The following NEGR1 variants were observed in gnomAD, a reference collection of about 807,000 sequenced individuals.
NEGR1 encodes the protein neuronal growth regulator 1.
Under a neutral mutation model 40.9 loss-of-function variants are expected in NEGR1, and 10 were observed. The ratio of observed to expected loss-of-function variants is 0.24; its 90% confidence interval spans 0.15 to 0.42. NEGR1 has a LOEUF of 0.42. NEGR1 is among the 10% of genes least tolerant of loss of function. The pLI is 1.00. For synonymous variants in NEGR1, 185 were observed against 166.8 expected, an observed-to-expected ratio of 1.11 and a Z score of -0.84; for missense variants, 352 against 438.9, an observed-to-expected ratio of 0.80 and a Z score of 1.77.
intron 1 of NEGR1, among the ~76,000 whole-genome samples, chr1:71,977,919 C>G (rs181704039): frequency 6.6e-4 from 101 of 152,112 alleles, no homozygotes; most frequent in African/African-American, 2.1e-3. Context: ...TCTTTCCAAC[C>G]TGTGTCTCCT....
At chr1:71,775,909 C>T (rs1656488586) in intron 3 of NEGR1, among the ~76,000 whole-genome samples, 1 of 151,628 alleles carries the variant, frequency 6.6e-6, no homozygotes, top group South Asian at 2.1e-4. Context: ...AGGAGAATCG[C>T]TTGAACCTGG....
At chr1:72,169,725 T>C (rs950693976) in intron 1 of NEGR1, among the ~76,000 whole-genome samples, 2 of 152,176 alleles carry the variant, frequency 1.3e-5, no homozygotes, top group Non-Finnish European at 2.9e-5. Flanking sequence ...GATGAGCCTT[T>C]CCTTCTGACC....
intron 4 of NEGR1, among the ~76,000 whole-genome samples, chr1:71,654,698 T>G (rs1305512750): frequency 6.6e-6 from 1 of 152,090 alleles, no homozygotes; most frequent in African/African-American, 2.4e-5. Context: ...ATAGGTCAAG[T>G]GATAGATAAT....
intron 6 of NEGR1, among the ~76,000 whole-genome samples, chr1:71,540,349 C>T (rs1476316623): frequency 6.6e-6 from 1 of 151,698 alleles, no homozygotes; most frequent in Non-Finnish European, 1.5e-5. Flanking sequence ...TGTATTGATG[C>T]CATGCAAAGA....
chr1:71,522,937 C>A (rs563237630), intron 6 of NEGR1, among the ~76,000 whole-genome samples: 1 of 152,018 alleles, frequency 6.6e-6, no homozygotes, highest in Admixed American at 6.6e-5. Flanking sequence ...TGATCAGAGG[C>A]ATAAAGTCCT....
chr1:71,688,857 A>C (rs1294625315), intron 4 of NEGR1, among the ~76,000 whole-genome samples: 1 of 152,178 alleles, frequency 6.6e-6, no homozygotes, highest in East Asian at 1.9e-4. Flanking sequence ...TATTATGACA[A>C]AGCTCACAAC....
chr1:71,713,467 T>C (rs1280207057), intron 3 of NEGR1, among the ~76,000 whole-genome samples: 1 of 151,760 alleles, frequency 6.6e-6, no homozygotes, highest in Non-Finnish European at 1.5e-5. Flanking sequence ...ATCAAAGGAG[T>C]GTTTTGAGGA....
chr1:71,805,427 A>G (rs1657730220), intron 2 of NEGR1, among the ~76,000 whole-genome samples: 1 of 152,134 alleles, frequency 6.6e-6, no homozygotes, highest in South Asian at 2.1e-4. Flanking sequence ...CCGGACACCC[A>G]GTTTTAAAAT....
intron 6 of NEGR1, among the ~76,000 whole-genome samples, chr1:71,523,293 C>A (rs1647175045): frequency 6.6e-6 from 1 of 151,610 alleles, no homozygotes; most frequent in Non-Finnish European, 1.5e-5. Flanking sequence ...GCAGGAAGAT[C>A]CTAACATAAT....
intron 1 of NEGR1, among the ~76,000 whole-genome samples, chr1:72,118,027 G>A (rs1367514877): frequency 6.6e-6 from 1 of 151,770 alleles, no homozygotes; most frequent in Non-Finnish European, 1.5e-5. Context: ...AATTCTCTTT[G>A]GGCAAGAAAC....
At chr1:71,883,617 G>A (rs1660641999) in intron 2 of NEGR1, among the ~76,000 whole-genome samples, 1 of 151,988 alleles carries the variant, frequency 6.6e-6, no homozygotes, top group South Asian at 2.1e-4. Context: ...GGGTACATGT[G>A]CACAACGTGC....
intron 1 of NEGR1, among the ~76,000 whole-genome samples, chr1:71,939,035 G>C (rs1351931714): frequency 6.6e-6 from 1 of 152,048 alleles, no homozygotes; most frequent in East Asian, 1.9e-4. Flanking sequence ...CTGGTCCCCT[G>C]ATGCTTTTCT....
intron 2 of NEGR1, among the ~76,000 whole-genome samples, chr1:71,846,383 C>CCACA (rs370237362): frequency 1.5e-4 from 20 of 130,872 alleles, no homozygotes; most frequent in African/African-American, 5.9e-4. Flanking sequence ...ACCCACCCAC[C>CCACA]CACACACACA....
chr1:71,724,924 G>A (rs6695498), intron 3 of NEGR1, among the ~76,000 whole-genome samples: 52,737 of 151,726 alleles, frequency 0.35, 10,115 homozygotes, highest in East Asian at 0.61. Flanking sequence ...TGTGAGGCTC[G>A]ACTTGGATTT....
intron 5 of NEGR1, among the ~76,000 whole-genome samples, chr1:71,594,261 G>A (rs972505209): frequency 2.6e-5 from 4 of 152,170 alleles, no homozygotes; most frequent in African/African-American, 9.7e-5. Flanking sequence ...CATAGGCTAT[G>A]TAAACTGATA....
intron 1 of NEGR1, among the ~76,000 whole-genome samples, chr1:72,253,026 A>G (rs1221354226): frequency 6.6e-6 from 1 of 152,204 alleles, no homozygotes; most frequent in Non-Finnish European, 1.5e-5. Context: ...AAATAGTTTG[A>G]TAAGTATAGA....
At chr1:72,091,733 G>T (rs759836755) in intron 1 of NEGR1, among the ~76,000 whole-genome samples, 1 of 152,006 alleles carries the variant, frequency 6.6e-6, no homozygotes, top group Non-Finnish European at 1.5e-5. Flanking sequence ...TGTTTGCGTT[G>T]CCACAAAATA....
chr1:71,790,545 G>C (rs1342579946), intron 2 of NEGR1, among the ~76,000 whole-genome samples: 1 of 151,966 alleles, frequency 6.6e-6, no homozygotes, highest in East Asian at 1.9e-4. Context: ...CAAGGAAGGA[G>C]AAGAGTATTT....
chr1:72,009,576 T>C (rs186104470), intron 1 of NEGR1, among the ~76,000 whole-genome samples: 6 of 152,198 alleles, frequency 3.9e-5, no homozygotes, highest in Non-Finnish European at 8.8e-5. Flanking sequence ...CTACCTACTA[T>C]CATCTAGAAA....
Sources: gnomAD v4.1 joint callset for allele counts (sites outside exome capture counted in the v4.1 genomes callset) on GRCh38, gnomAD v4.1.1 for gene constraint, MANE v1.5 for transcripts, NCBI Gene and HGNC (gene_info 2026-07-23, HGNC 2026-07-21) for gene names.